Variants in MAP2 observed in about 807,000 individuals in gnomAD.
The protein encoded by MAP2 is microtubule associated protein 2.
Under a neutral mutation model 137.6 loss-of-function variants are expected in MAP2, and 14 were observed. The observed-to-expected ratio is 0.10, with a 90% CI of 0.07 to 0.16. The LOEUF (loss-of-function observed/expected upper bound fraction) is 0.16. MAP2 is among the 10% of genes least tolerant of loss of function. The probability of loss-of-function intolerance (pLI) is 1.00; values close to 1 mark genes in which losing one functional copy is unlikely to be tolerated. For synonymous variants in MAP2, 786 were observed against 782.3 expected, an observed-to-expected ratio of 1.00 and a Z score of -0.08; for missense variants, 2,088 against 2,191.5, an observed-to-expected ratio of 0.95 and a Z score of 0.94.
intron 3 of MAP2, among the ~76,000 whole-genome samples, chr2:209,598,194 T>A (rs2081878164): frequency 6.6e-6 from 1 of 151,452 alleles, no homozygotes; most frequent in African/African-American, 2.4e-5. Context: ...TTAGTAGAGA[T>A]GGGGGTTTCA....
At chr2:209,646,282 T>G (rs2094417923) in intron 4 of MAP2, among the ~76,000 whole-genome samples, 1 of 152,230 alleles carries the variant, frequency 6.6e-6, no homozygotes, top group South Asian at 2.1e-4. Flanking sequence ...ATTAATTTAT[T>G]ATGCATTTTT....
intron 2 of MAP2, among the ~76,000 whole-genome samples, chr2:209,575,307 G>C (rs1235753770): frequency 6.6e-6 from 1 of 151,938 alleles, no homozygotes; most frequent in Non-Finnish European, 1.5e-5. Flanking sequence ...GGATCACGAG[G>C]TCAGAAGATC....
At chr2:209,671,735 A>T (rs2048913018) in intron 5 of MAP2, among the ~76,000 whole-genome samples, 1 of 151,900 alleles carries the variant, frequency 6.6e-6, no homozygotes. Flanking sequence ...TAACAACCTG[A>T]AAGAAATCAA....
intron 1 of MAP2, among the ~76,000 whole-genome samples, chr2:209,434,118 A>T (rs914309640): frequency 6.6e-6 from 1 of 152,096 alleles, no homozygotes; most frequent in Non-Finnish European, 1.5e-5. Flanking sequence ...GAGATTAATA[A>T]GCAGTGTACC....
At position 209,521,865 on chromosome 2, in the gene MAP2, T is replaced by C. The variant is rs542126052; in HGVS notation, c.-172+14224T>C. Reference sequence around the variant, plus strand: ...AGCTCCTATGGTATTATTTTTTCAATAAAATTATAAATACATAGCAGTGTA... The same window carrying C: ...AGCTCCTATGGTATTATTTTTTCAACAAAATTATAAATACATAGCAGTGTA... On this transcript the variant is annotated intron_variant, in intron 2 of 15. Transcript: ENST00000682079. Among the ~76,000 whole-genome samples, 3 of 152,284 alleles carry C rather than the reference T, an allele frequency of 2.0e-5. No individual in the cohort carries two copies. The South Asian group carries it at 6.2e-4, about 32-fold the overall frequency.
intron 7 of MAP2, among the ~76,000 whole-genome samples, chr2:209,688,203 AAAAG>A (rs374388518): frequency 1.3e-5 from 2 of 152,092 alleles, no homozygotes; most frequent in African/African-American, 4.8e-5. Flanking sequence ...AGAAGGAAGA[AAAAG>A]AGAGAGAGAA....
chr2:209,606,077 G>GT (rs1240377063), intron 3 of MAP2, among the ~76,000 whole-genome samples: 2 of 151,720 alleles, frequency 1.3e-5, no homozygotes, highest in African/African-American at 4.8e-5. Flanking sequence ...CGTTATGATG[G>GT]GGGGGGTGTA....
chr2:209,508,421 T>C (rs1264558687), intron 2 of MAP2, among the ~76,000 whole-genome samples: 2 of 152,074 alleles, frequency 1.3e-5, no homozygotes, highest in African/African-American at 4.8e-5. Flanking sequence ...TCATTTGCCC[T>C]TACACTAATC....
intron 2 of MAP2, among the ~76,000 whole-genome samples, chr2:209,553,323 A>G (rs1481909776): frequency 6.6e-6 from 1 of 152,104 alleles, no homozygotes; most frequent in Admixed American, 6.5e-5. Context: ...AAAAGGATGT[A>G]TTTTTAAGAG....
At chr2:209,557,232 C>T (rs558690850) in intron 2 of MAP2, among the ~76,000 whole-genome samples, 1 of 152,280 alleles carries the variant, frequency 6.6e-6, no homozygotes, top group Non-Finnish European at 1.5e-5. Flanking sequence ...AGACAACAGA[C>T]TTGTGGCACC....
chr2:209,517,791 G>T (rs1466271704), intron 2 of MAP2, among the ~76,000 whole-genome samples: 11 of 151,792 alleles, frequency 7.2e-5, no homozygotes, highest in African/African-American at 2.7e-4. Flanking sequence ...GATGGGGGAA[G>T]AAGTATGCTC....
At position 209,705,664 on chromosome 2, in the gene MAP2, G is replaced by A. The variant is rs1407524691; in HGVS notation, c.4669G>A (p.Asp1557Asn). Residue 1557 changes from aspartate to asparagine, a missense_variant, in exon 12 of 16, where the codon GAC becomes AAC. Asp to Asn is a conservative substitution (Grantham distance 23). Around this residue, in one of 6 missense-constraint regions of MAP2, gnomAD observed 591 missense variants for 642.6 expected, o/e 0.92. Coordinates refer to ENST00000682079, the MANE Select transcript of MAP2 (RefSeq NM_001375505.1). Reference protein sequence around the residue: ...ILPPRRGVSGDRDENSFSLNS... With the variant: ...ILPPRRGVSGNRDENSFSLNS... ...CCCTCCTCGGCGAGGTGTGTCAGGAGACAGAGATGAGAATTCCTTCTCTCT... is the reference window on the plus strand; with the variant it reads ...CCCTCCTCGGCGAGGTGTGTCAGGAAACAGAGATGAGAATTCCTTCTCTCT... The A allele has an allele frequency of 6.2e-7, 1 of 1,613,314 alleles. No homozygotes were observed. Among genetic ancestry groups the A allele is most frequent in the South Asian group, 1.1e-5 (1 of 91,052 alleles).
At chr2:209,678,795 T>A in intron 6 of MAP2, 110 bp downstream of exon 6, 1 of 520,546 alleles carries the variant, frequency 1.9e-6, no homozygotes, top group Non-Finnish European at 3.3e-6. Context: ...TCCTTACATG[T>A]AACATTCATC....
At chr2:209,575,452 T>A (rs754756229) in intron 2 of MAP2, among the ~76,000 whole-genome samples, 1 of 122,990 alleles carries the variant, frequency 8.1e-6, no homozygotes, top group East Asian at 2.4e-4. Flanking sequence ...ACCCGGGAGG[T>A]GGAGCTTGCA....
At chr2:209,563,066 T>A (rs2072547630) in intron 2 of MAP2, among the ~76,000 whole-genome samples, 1 of 152,216 alleles carries the variant, frequency 6.6e-6, no homozygotes, top group Admixed American at 6.5e-5. Flanking sequence ...AGGACTGAGA[T>A]GCCAGACCTT....
intron 3 of MAP2, among the ~76,000 whole-genome samples, chr2:209,592,289 G>A (rs964658476): frequency 6.6e-5 from 10 of 152,082 alleles, no homozygotes; most frequent in African/African-American, 2.2e-4. Context: ...GAATAGGCAC[G>A]GCTGTGTTTC....
chr2:209,678,013 A>T lies in MAP2; in HGVS notation c.263-559A>T, dbSNP rs184669334. Among the ~76,000 whole-genome samples, 4 of 152,156 alleles carry T rather than the reference A, an allele frequency of 2.6e-5. No homozygotes were observed. The East Asian group carries it at 7.7e-4, about 29-fold the overall frequency. On this transcript the variant is annotated intron_variant, in intron 5 of 15. Transcript: ENST00000682079. ...AATGGTATTTCTGCAAATCAAGCAC[A>T]CAAGCTTATATAAATTATATTTTTA...
chr2:209,679,609 C>T (rs1043990260), intron 6 of MAP2, among the ~76,000 whole-genome samples: 1 of 151,930 alleles, frequency 6.6e-6, no homozygotes, highest in African/African-American at 2.4e-5. Context: ...ATCAGTATTC[C>T]TTTAACTGTC....
In MAP2 at chr2:209,725,906, A is replaced by T. The variant is rs541203689; in HGVS notation, c.5155+116A>T. On this transcript the variant is annotated intron_variant, in intron 14 of 15. Transcript: ENST00000682079. ...TGGAAGGATGTTTTAAAATATGGGT[A>T]CTTCACATTTTTATTAATAGAAACT... 1.4e-5 allele frequency: 8 copies of T among 576,212 alleles called. No homozygotes were observed. The East Asian group carries it at 2.6e-4, about 19-fold the overall frequency. The allele number at this position is 576,212 out of a possible 1,614,324, so 35.7% of individuals were successfully genotyped here. A position where few individuals can be genotyped will look rare whatever the true frequency, so the allele number is the denominator to read the frequency against.
Sources: gnomAD v4.1 joint callset for allele counts (sites outside exome capture counted in the v4.1 genomes callset) on GRCh38, gnomAD v4.1.1 for gene constraint, gnomAD v4.1.1 regional missense constraint, MANE v1.5 for transcripts, NCBI Gene and HGNC (gene_info 2026-07-23, HGNC 2026-07-21) for gene names.